The following ANK2 variants were observed in gnomAD, a reference collection of about 807,000 sequenced individuals.
ANK2 encodes ankyrin-2.
A neutral mutation model predicts 360.5 loss-of-function variants in ANK2; 83 were observed. That is an observed-to-expected ratio of 0.23 (90% CI 0.19 to 0.28). The LOEUF (loss-of-function observed/expected upper bound fraction) is 0.28. ANK2 is among the 10% of genes least tolerant of loss of function. The pLI is 1.00. For missense variants in ANK2, 4,201 were observed against 4,795.7 expected, an observed-to-expected ratio of 0.88 and a Z score of 3.66; for synonymous variants, 1,740 against 1,759.5, an observed-to-expected ratio of 0.99 and a Z score of 0.28.
chr4:112,779,081 G>C, the ANK2 span, among the ~76,000 whole-genome samples: 1 of 152,152 alleles, frequency 6.6e-6, no homozygotes, highest in African/African-American at 2.4e-5. Flanking sequence ...CAGTTTGAGC[G>C]ATCCTGCAAC....
At chr4:113,086,091 C>T (rs1368447566) in intron 1 of ANK2, among the ~76,000 whole-genome samples, 1 of 152,072 alleles carries the variant, frequency 6.6e-6, no homozygotes, top group Admixed American at 6.5e-5. Flanking sequence ...TATATATTAA[C>T]TGGTCATTGA....
chr4:112,987,844 T>G (rs1263793714), intron 2 of ANK2, among the ~76,000 whole-genome samples: 3 of 152,028 alleles, frequency 2.0e-5, no homozygotes, highest in Non-Finnish European at 4.4e-5. Flanking sequence ...TTGCCTAAAG[T>G]TTAATGAGAG....
At chr4:112,728,730 G>T in the ANK2 span, among the ~76,000 whole-genome samples, 3,015 of 151,918 alleles carry the variant, frequency 0.02, 113 homozygotes, top group African/African-American at 0.07. Flanking sequence ...CAGAGCAAAA[G>T]TGTCTCCAAA....
chr4:112,745,260 A>AT, the ANK2 span, among the ~76,000 whole-genome samples: 5 of 152,244 alleles, frequency 3.3e-5, no homozygotes, highest in East Asian at 5.8e-4. Flanking sequence ...CATAAAAACT[A>AT]TCATTCTTTT....
chr4:113,171,651 A>G (rs1219630042), intron 1 of ANK2, among the ~76,000 whole-genome samples: 2 of 152,138 alleles, frequency 1.3e-5, no homozygotes, highest in Non-Finnish European at 2.9e-5. Context: ...TTTCCATAGG[A>G]CCCAGACCCT....
the ANK2 span, among the ~76,000 whole-genome samples, chr4:112,714,716 T>C: frequency 2.0e-5 from 3 of 152,212 alleles, no homozygotes; most frequent in African/African-American, 7.2e-5. Flanking sequence ...ACATTGAATA[T>C]GAGCAATAAA....
chr4:112,832,296 G>A (rs762180491), intron 1 of ANK2, among the ~76,000 whole-genome samples: 1 of 152,124 alleles, frequency 6.6e-6, no homozygotes, highest in African/African-American at 2.4e-5. Flanking sequence ...CAAGTGATCC[G>A]CCTCCCTTGG....
chr4:113,024,033 T>C (rs1429893579), intron 2 of ANK2, among the ~76,000 whole-genome samples: 1 of 152,150 alleles, frequency 6.6e-6, no homozygotes. Flanking sequence ...TTGTTTTGTG[T>C]GAAAGGTAGA....
At chr4:113,088,588 GT>G (rs544358079) in intron 1 of ANK2, among the ~76,000 whole-genome samples, 15 of 146,130 alleles carry the variant, frequency 1.0e-4, no homozygotes, top group East Asian at 4.0e-4. Flanking sequence ...TAATTTTTTT[GT>G]TTTTTTTTTC....
intron 2 of ANK2, among the ~76,000 whole-genome samples, chr4:112,914,749 T>G (rs1163844570): frequency 1.3e-5 from 2 of 152,210 alleles, no homozygotes; most frequent in African/African-American, 4.8e-5. Context: ...ACCCACTGTT[T>G]CCTAAAATTT....
At chr4:112,844,263 T>C (rs1400120142) in intron 1 of ANK2, among the ~76,000 whole-genome samples, 1 of 152,246 alleles carries the variant, frequency 6.6e-6, no homozygotes, top group Non-Finnish European at 1.5e-5. Flanking sequence ...CCTGGGTTCA[T>C]GATTGGACTA....
chr4:112,889,339 A>T (rs1441999028), intron 1 of ANK2, among the ~76,000 whole-genome samples: 1 of 151,844 alleles, frequency 6.6e-6, no homozygotes, highest in Non-Finnish European at 1.5e-5. Flanking sequence ...GTGATGCATG[A>T]TGTTGTTTCT....
intron 2 of ANK2, among the ~76,000 whole-genome samples, chr4:113,186,111 C>T (rs2098516442): frequency 6.6e-6 from 1 of 152,192 alleles, no homozygotes; most frequent in African/African-American, 2.4e-5. Flanking sequence ...GACTGGGAGA[C>T]ACCTTACAGC....
chr4:113,372,596 A>G, intron 43 of ANK2: 2 of 1,535,944 alleles, frequency 1.3e-6, no homozygotes, highest in Non-Finnish European at 1.7e-6. Flanking sequence ...GGTAACTACC[A>G]GGGTTGTCCG....
At chr4:112,808,923 T>C in the ANK2 span, among the ~76,000 whole-genome samples, 2 of 152,120 alleles carry the variant, frequency 1.3e-5, no homozygotes, top group Admixed American at 1.3e-4. Context: ...AGTGGTGCGA[T>C]CTCGGCTCGC....
the ANK2 span, among the ~76,000 whole-genome samples, chr4:112,729,299 TA>T: frequency 1.3e-5 from 2 of 151,828 alleles, no homozygotes; most frequent in African/African-American, 4.8e-5. Flanking sequence ...GAAAAAAAAA[TA>T]AAACTACCAT....
intron 32 of ANK2, among the ~76,000 whole-genome samples, chr4:113,341,430 A>G (rs1282896756): frequency 6.6e-6 from 1 of 152,224 alleles, no homozygotes; most frequent in African/African-American, 2.4e-5. Flanking sequence ...GAAATACAGT[A>G]TTTAATAGTT....
intron 28 of ANK2, among the ~76,000 whole-genome samples, 187 bp downstream of exon 28, chr4:113,332,257 T>C (rs1361758999): frequency 6.6e-6 from 1 of 152,210 alleles, no homozygotes; most frequent in Admixed American, 6.5e-5. Context: ...TTTTGAGTGA[T>C]GTTTTTATAT....
At chr4:113,047,725 C>G (rs1255737284), upstream of ANK2, among the ~76,000 whole-genome samples, 1 of 151,902 alleles carries the variant, frequency 6.6e-6, no homozygotes, top group African/African-American at 2.4e-5. Context: ...GCTGTGTGAT[C>G]CAAGATACCA....
Sources: gnomAD v4.1 joint callset for allele counts (sites outside exome capture counted in the v4.1 genomes callset) on GRCh38, gnomAD v4.1.1 for gene constraint, MANE v1.5 for transcripts, NCBI Gene and HGNC (gene_info 2026-07-23, HGNC 2026-07-21) for gene names.